CDC27: variants seen among roughly 807,000 people sequenced by gnomAD.
CDC27 encodes cell division cycle protein 27 homolog.
Under a neutral mutation model 109.7 loss-of-function variants are expected in CDC27, and 27 were observed. The observed-to-expected ratio is 0.25, with a 90% confidence interval of 0.18 to 0.34. CDC27 has a LOEUF of 0.34. Ranked by LOEUF, CDC27 falls within the 10% of genes least tolerant of loss-of-function variation. The pLI is 1.00. For missense variants in CDC27, 579 were observed against 960.2 expected, an observed-to-expected ratio of 0.60 and a Z score of 5.25; for synonymous variants, 266 against 333.9, an observed-to-expected ratio of 0.80 and a Z score of 2.22.
intron 14 of CDC27, 110 bp from the exon 15 acceptor site, chr17:47,132,484 G>T: frequency 2.1e-6 from 1 of 466,564 alleles, no homozygotes; most frequent in Non-Finnish European, 3.8e-6. Flanking sequence ...TAATCCAGTG[G>T]AATACTGGTG....
intron 9 of CDC27, among the ~76,000 whole-genome samples, chr17:47,146,229 G>A (rs967662404): frequency 6.6e-6 from 1 of 152,154 alleles, no homozygotes; most frequent in Non-Finnish European, 1.5e-5. Flanking sequence ...CACTTTCCTG[G>A]ACTCTGTGAG....
chr17:47,139,755 G>T (rs2062737332), intron 12 of CDC27: 1 of 152,044 alleles, frequency 6.6e-6, no homozygotes, highest in African/African-American at 2.4e-5. Flanking sequence ...TGTCTGCTAG[G>T]AATCATAGGC....
At chr17:47,187,265 C>A (rs1419062345) in intron 1 of CDC27, among the ~76,000 whole-genome samples, 1 of 151,990 alleles carries the variant, frequency 6.6e-6, no homozygotes, top group East Asian at 1.9e-4. Flanking sequence ...TAGAAACAGG[C>A]TACATATTCC....
intron 8 of CDC27, among the ~76,000 whole-genome samples, chr17:47,152,549 C>A (rs755498011): frequency 6.6e-6 from 1 of 152,016 alleles, no homozygotes; most frequent in Non-Finnish European, 1.5e-5. Flanking sequence ...CTAATTTATT[C>A]CCTTATTTCT....
chr17:47,180,979 T>G, intron 2 of CDC27, among the ~76,000 whole-genome samples: 1 of 138,072 alleles, frequency 7.2e-6, no homozygotes. Flanking sequence ...ATACATGGCA[T>G]GGTGGCCCAT....
chr17:47,165,010 C>G (rs1333983541), intron 4 of CDC27, among the ~76,000 whole-genome samples: 3 of 152,204 alleles, frequency 2.0e-5, no homozygotes, highest in Non-Finnish European at 4.4e-5. Flanking sequence ...CTAACCCAAC[C>G]TGAGAACCAC....
At position 47,137,247 on chromosome 17, in the gene CDC27, T is replaced by C. The variant is rs779126942; in HGVS notation, c.1818A>G (p.Leu606=). 11 of 1,610,666 alleles carry C rather than the reference T, an allele frequency of 6.8e-6. No homozygotes were observed. In the Admixed American group the frequency reaches 8.3e-5, roughly 12 times the overall value. Residue 606 remains leucine (L), a synonymous_variant, in exon 14 of 19, where the codon CTA becomes CTG. Transcript: ENST00000066544. The stretch of plus-strand genomic sequence containing the variant: ...CAGTTAAGACAAACTCATGCCCTAA[T>C]AGAGTATAGGCATAAGCGTAATTTG... ...VDPNYAYAYT[L]LGHEFVLTEE...
chr17:47,173,954 C>A (rs917842281), intron 2 of CDC27, among the ~76,000 whole-genome samples: 85 of 152,314 alleles, frequency 5.6e-4, no homozygotes, highest in African/African-American at 1.7e-3. Context: ...ATTAGCCAGG[C>A]GCGGTGGCGC....
chr17:47,169,583 TG>T (rs969206804), intron 4 of CDC27, among the ~76,000 whole-genome samples: 2 of 148,844 alleles, frequency 1.3e-5, no homozygotes, highest in African/African-American at 5.0e-5. Context: ...AGGTGGAGGT[TG>T]CAGTGAACTG....
intron 3 of CDC27, 51 bp downstream of exon 3, chr17:47,171,866 A>G: frequency 7.7e-7 from 1 of 1,291,500 alleles, no homozygotes; most frequent in Non-Finnish European, 1.1e-6. Flanking sequence ...TTTATCCAAA[A>G]TTCAACAGTG....
Position 47,189,209 on chromosome 17 carries a change from G to GCC in CDC27, c.-39_-38dup. Reference sequence around the variant, plus strand: ...AGGCCCACTTTCTGCAGTGCCTCAGGCCCCCCCTGTAGCGGCTCCGGCCCG... The same window carrying GCC: ...AGGCCCACTTTCTGCAGTGCCTCAGGCCCCCCCCCTGTAGCGGCTCCGGCCCG... On this transcript the variant is annotated 5_prime_UTR_variant, in exon 1 of 19. The change creates a premature stop within an existing upstream ORF in the 5' untranslated region. Transcript: ENST00000066544. The GCC allele has an allele frequency of 6.3e-7, 1 of 1,577,062 alleles. No individual in the cohort carries two copies. Among genetic ancestry groups the GCC allele is most frequent in the Non-Finnish European group, 8.7e-7 (1 of 1,146,554 alleles).
At chr17:47,127,356 CTAGA>C (rs1173889417) in intron 16 of CDC27, among the ~76,000 whole-genome samples, 2 of 152,238 alleles carry the variant, frequency 1.3e-5, no homozygotes, top group Admixed American at 6.5e-5. Flanking sequence ...AAAGGAATTA[CTAGA>C]TAAATTATAT....
In CDC27 at chr17:47,186,241, T is replaced by A. The variant is rs183428277; in HGVS notation, c.27+2905A>T. Among the ~76,000 whole-genome samples the A allele has an allele frequency of 1.8e-4, 27 of 152,318 alleles. No individual in the cohort carries two copies. The East Asian group carries it at 5.0e-3, about 28-fold the overall frequency. On this transcript the variant is annotated intron_variant, in intron 1 of 18. Coordinates refer to ENST00000066544, the MANE Select transcript of CDC27 (RefSeq NM_001256.6). Reference sequence around the variant, plus strand: ...TTATTCATTACCAATGCACATTAAATCTAAATTTCTCATTGAGTAGCCAAA... The same window carrying A: ...TTATTCATTACCAATGCACATTAAAACTAAATTTCTCATTGAGTAGCCAAA...
chr17:47,172,158 T>C lies in CDC27; in HGVS notation c.104-94A>G, dbSNP rs1029480145. 6 of 686,988 alleles carry C rather than the reference T, an allele frequency of 8.7e-6. No homozygotes were observed. In the Admixed American group the frequency reaches 2.1e-4, roughly 24 times the overall value. 42.6% of individuals were successfully genotyped at this position (686,988 alleles called of 1,614,324 possible). ...TAAACAAGTTTAGCAAAAAAAAAAA[T>C]TAGGCTTGCTATTTTAACACAAAAC... On this transcript the variant is annotated intron_variant, in intron 2 of 18. Transcript: ENST00000066544.
chr17:47,135,491 T>C (rs1388205543), intron 14 of CDC27, among the ~76,000 whole-genome samples: 2 of 152,066 alleles, frequency 1.3e-5, no homozygotes, highest in Non-Finnish European at 2.9e-5. Context: ...GCACAACATA[T>C]CTGCTTTATT....
At chr17:47,135,504 A>G (rs1291986355) in intron 14 of CDC27, among the ~76,000 whole-genome samples, 36 of 152,148 alleles carry the variant, frequency 2.4e-4, no homozygotes, top group Admixed American at 2.4e-3. Flanking sequence ...GCTTTATTTG[A>G]GTGGCTTTAT....
At chr17:47,150,831 G>A (rs1481828115) in intron 9 of CDC27, among the ~76,000 whole-genome samples, 1 of 152,104 alleles carries the variant, frequency 6.6e-6, no homozygotes, top group African/African-American at 2.4e-5. Flanking sequence ...TTGGGAGTTC[G>A]AGACCAGCCT....
chr17:47,162,227 CA>C lies in CDC27; in HGVS notation c.378-3925del, dbSNP rs548135764. Among the ~76,000 whole-genome samples the C allele has an allele frequency of 2.1e-3, 326 of 152,324 alleles. 4 individuals are homozygous for C. The highest frequency in any genetic ancestry group is 7.3e-3 in the African/African-American group (305 of 41,568). On this transcript the variant is annotated intron_variant, in intron 4 of 18. Coordinates refer to ENST00000066544, the MANE Select transcript of CDC27 (RefSeq NM_001256.6). The stretch of plus-strand genomic sequence containing the variant: ...AACGAAGCCATAATTCATGTACTTT[CA>C]TTTTATTTCTGGCTTAAGTTCCCTC...
At position 47,121,010 on chromosome 17, in the gene CDC27, T is replaced by C. The variant is rs1363818765; in HGVS notation, c.2400A>G (p.Thr800=). 6 of 1,608,420 alleles carry C rather than the reference T, an allele frequency of 3.7e-6. No homozygotes were observed. Among genetic ancestry groups the C allele is most frequent in the Non-Finnish European group, 5.1e-6 (6 of 1,175,810 alleles). The stretch of plus-strand genomic sequence containing the variant: ...TCATGCTGCTCTCCTGGGATTCATC[T>C]GTTCCCACTTTAAAAATAAAACAGA... ...PITQEEQIMG[T]DESQESSMTD... Residue 800 remains threonine, a synonymous_variant, in exon 19 of 19, where the codon ACA becomes ACG. Coordinates refer to ENST00000066544, the MANE Select transcript of CDC27 (RefSeq NM_001256.6).
Sources: allele counts gnomAD v4.1 joint callset (sites outside exome capture counted in the v4.1 genomes callset), GRCh38; gene constraint gnomAD v4.1.1; transcripts MANE v1.5; gene names NCBI Gene and HGNC (gene_info 2026-07-23, HGNC 2026-07-21).